GPC5: variants seen among roughly 807,000 people sequenced by gnomAD.
GPC5 encodes the protein glypican 5, also known as glypican-5.
GPC5 carries 47 observed loss-of-function variants against 53.9 expected under a neutral mutation model. The observed-to-expected ratio is 0.87, with a 90% confidence interval of 0.69 to 1.11. GPC5 has a LOEUF of 1.11. Among genes scored for constraint, GPC5 ranks in the 50% most tolerant of loss-of-function variants. GPC5 has a pLI of 0.00. For missense variants in GPC5, 748 were observed against 713.1 expected, an observed-to-expected ratio of 1.05 and a Z score of -0.56; for synonymous variants, 286 against 263.3, an observed-to-expected ratio of 1.09 and a Z score of -0.84.
intron 7 of GPC5, among the ~76,000 whole-genome samples, chr13:92,762,962 T>A (rs1383303779): frequency 6.6e-6 from 1 of 152,114 alleles, no homozygotes; most frequent in Non-Finnish European, 1.5e-5. Flanking sequence ...TTCCTTTTTT[T>A]TTATGATATC....
chr13:92,195,971 G>A lies in GPC5; in HGVS notation c.1561+50982G>A, dbSNP rs559704000. Among the ~76,000 whole-genome samples, 48 of 152,228 alleles carry A rather than the reference G, an allele frequency of 3.2e-4. No homozygotes were observed. The South Asian group carries it at 8.3e-3, about 26-fold the overall frequency. On this transcript the variant is annotated intron_variant, in intron 7 of 7. Transcript: ENST00000377067. ...AGTGTAGCACTTTTAACAAGGAGGCGCAGGCCCTTTGGCATGGAACTGCCA... is the reference window on the plus strand; with the variant it reads ...AGTGTAGCACTTTTAACAAGGAGGCACAGGCCCTTTGGCATGGAACTGCCA...
At chr13:91,433,535 A>T (rs932916856) in intron 1 of GPC5, among the ~76,000 whole-genome samples, 4 of 152,136 alleles carry the variant, frequency 2.6e-5, no homozygotes, top group Admixed American at 2.6e-4. Flanking sequence ...TGAACTCATC[A>T]TTTTTTATGG....
At chr13:91,766,961 T>C (rs1174962689) in intron 5 of GPC5, among the ~76,000 whole-genome samples, 1 of 152,220 alleles carries the variant, frequency 6.6e-6, no homozygotes, top group Non-Finnish European at 1.5e-5. Flanking sequence ...ACATAGTCAA[T>C]AACTGTTAAA....
At chr13:91,763,781 G>A (rs529852577) in intron 5 of GPC5, among the ~76,000 whole-genome samples, 30 of 152,206 alleles carry the variant, frequency 2.0e-4, no homozygotes, top group Admixed American at 9.8e-4. Flanking sequence ...TTATCTCATG[G>A]TTTGGGTCTA....
At chr13:91,942,835 T>A (rs977249806) in intron 6 of GPC5, among the ~76,000 whole-genome samples, 2 of 152,210 alleles carry the variant, frequency 1.3e-5, no homozygotes, top group East Asian at 1.9e-4. Flanking sequence ...GGAATCAGCA[T>A]ATTTGATAAT....
intron 1 of GPC5, among the ~76,000 whole-genome samples, chr13:91,447,440 T>TA (rs1021993872): frequency 6.6e-6 from 1 of 152,148 alleles, no homozygotes; most frequent in Non-Finnish European, 1.5e-5. Context: ...CTGTGACACT[T>TA]ACGAATATTT....
chr13:92,254,833 G>C (rs1399204711), intron 7 of GPC5, among the ~76,000 whole-genome samples: 1 of 152,050 alleles, frequency 6.6e-6, no homozygotes, highest in African/African-American at 2.4e-5. Context: ...TAGGGGAACT[G>C]CCCCATGATG....
At chr13:92,522,905 C>T (rs559104213) in intron 7 of GPC5, among the ~76,000 whole-genome samples, 21 of 151,988 alleles carry the variant, frequency 1.4e-4, no homozygotes, top group African/African-American at 3.1e-4. Flanking sequence ...AGAGAAAATA[C>T]GTTTTTCAAA....
At chr13:92,840,191 T>C (rs1247407862) in intron 7 of GPC5, among the ~76,000 whole-genome samples, 3 of 149,958 alleles carry the variant, frequency 2.0e-5, no homozygotes, top group Non-Finnish European at 4.4e-5. Flanking sequence ...CCAAGGTTCA[T>C]CCATGTTGTA....
chr13:92,519,192 C>A (rs1367212792), intron 7 of GPC5, among the ~76,000 whole-genome samples: 2 of 152,142 alleles, frequency 1.3e-5, no homozygotes, highest in African/African-American at 2.4e-5. Flanking sequence ...GACTTTAACA[C>A]CCCACTGTCA....
chr13:92,507,034 G>A (rs1880393486), intron 7 of GPC5, among the ~76,000 whole-genome samples: 1 of 152,110 alleles, frequency 6.6e-6, no homozygotes, highest in South Asian at 2.1e-4. Context: ...GCATTTCCAT[G>A]TCTTCATGCT....
At chr13:91,796,582 G>T (rs1194351967) in intron 5 of GPC5, among the ~76,000 whole-genome samples, 1 of 152,178 alleles carries the variant, frequency 6.6e-6, no homozygotes, top group Non-Finnish European at 1.5e-5. Flanking sequence ...CTTTTAGCCT[G>T]ATTGGTATTT....
At chr13:91,675,989 G>C (rs2035373037) in intron 2 of GPC5, among the ~76,000 whole-genome samples, 2 of 152,208 alleles carry the variant, frequency 1.3e-5, no homozygotes. Context: ...CTGGACTTAA[G>C]GAATCTGAAT....
intron 6 of GPC5, among the ~76,000 whole-genome samples, chr13:91,986,112 C>T (rs2040405390): frequency 7.8e-6 from 1 of 128,786 alleles, no homozygotes; most frequent in Non-Finnish European, 1.5e-5. Context: ...GTCGCCCAGG[C>T]TGGAGTGCAG....
chr13:91,970,116 T>A (rs1275007638), intron 6 of GPC5, among the ~76,000 whole-genome samples: 1 of 152,194 alleles, frequency 6.6e-6, no homozygotes, highest in African/African-American at 2.4e-5. Context: ...GCCTTCCATT[T>A]GCAACAACAT....
chr13:92,369,834 C>T (rs1307795099), intron 7 of GPC5, among the ~76,000 whole-genome samples: 1 of 152,162 alleles, frequency 6.6e-6, no homozygotes, highest in Non-Finnish European at 1.5e-5. Context: ...CGAAATAAGT[C>T]CTCTACCAAA....
In GPC5 at chr13:92,129,799, T is replaced by C. The variant is rs569741363; in HGVS notation, c.1402-15031T>C. On this transcript the variant is annotated intron_variant, in intron 6 of 7. Transcript: ENST00000377067. Reference sequence around the variant, plus strand: ...GTAGAAATAATCTCAACTGATGAGATTGAATAAAGCAGAACAAAACAAGAA... The same window carrying C: ...GTAGAAATAATCTCAACTGATGAGACTGAATAAAGCAGAACAAAACAAGAA... Among the ~76,000 whole-genome samples the C allele has an allele frequency of 1.3e-4, 20 of 152,190 alleles. 1 individual carries two copies. The highest frequency in any genetic ancestry group is 6.2e-4 in the South Asian group (3 of 4,826).
chr13:92,024,782 G>A (rs1362878835), intron 6 of GPC5, among the ~76,000 whole-genome samples: 1 of 152,080 alleles, frequency 6.6e-6, no homozygotes, highest in Non-Finnish European at 1.5e-5. Flanking sequence ...TTAATCTGCT[G>A]TAATACACAT....
intron 7 of GPC5, among the ~76,000 whole-genome samples, chr13:92,347,897 ATATAATATATATATAATATATATATAT>A (rs2043435087): frequency 7.8e-5 from 1 of 12,850 alleles, no homozygotes; most frequent in African/African-American, 8.2e-4. Context: ...TATATTATAT[ATATAATATATATATAATATATATATAT>A]TATATATACA....
Sources: gnomAD v4.1 joint callset for allele counts (sites outside exome capture counted in the v4.1 genomes callset) on GRCh38, gnomAD v4.1.1 for gene constraint, MANE v1.5 for transcripts, NCBI Gene and HGNC (gene_info 2026-07-23, HGNC 2026-07-21) for gene names.